LINGO2: variants seen among roughly 807,000 people sequenced by gnomAD.
LINGO2 encodes the protein leucine-rich repeat and immunoglobulin-like domain-containing nogo receptor-interacting protein 2.
Under a neutral mutation model 30.6 loss-of-function variants are expected in LINGO2, and 14 were observed. The observed-to-expected ratio is 0.46, with a 90% CI of 0.30 to 0.72. LINGO2 has a LOEUF of 0.72. Among genes scored for constraint, LINGO2 ranks in the 30% least tolerant of loss-of-function variants. LINGO2 has a pLI of 0.07. For missense variants in LINGO2, 729 were observed against 751.7 expected (o/e 0.97, Z 0.35); for synonymous variants, 317 against 288.5 (o/e 1.10, Z -1.00).
the LINGO2 span, among the ~76,000 whole-genome samples, chr9:28,698,263 T>A: frequency 6.6e-6 from 1 of 152,216 alleles, no homozygotes; most frequent in Middle Eastern, 3.4e-3. Flanking sequence ...CCAGTATAGA[T>A]ACATTTATAA....
the LINGO2 span, among the ~76,000 whole-genome samples, chr9:28,679,530 C>T: frequency 6.6e-6 from 1 of 151,930 alleles, no homozygotes; most frequent in Non-Finnish European, 1.5e-5. Context: ...AGAAATAGCA[C>T]TTTTTTGAGG....
chr9:28,921,159 A>T, the LINGO2 span, among the ~76,000 whole-genome samples: 1 of 152,216 alleles, frequency 6.6e-6, no homozygotes, highest in Non-Finnish European at 1.5e-5. Flanking sequence ...GAGAAAAAAG[A>T]TGTTAAACAA....
chr9:28,231,392 T>A (rs144772658), intron 4 of LINGO2, among the ~76,000 whole-genome samples: 1 of 152,066 alleles, frequency 6.6e-6, no homozygotes, highest in Admixed American at 6.5e-5. Flanking sequence ...TTTGGAGCAG[T>A]GTGGGAAAAT....
At chr9:28,395,757 G>C (rs1211952227) in intron 2 of LINGO2, among the ~76,000 whole-genome samples, 1 of 152,202 alleles carries the variant, frequency 6.6e-6, no homozygotes. Context: ...ATTCTGATAA[G>C]TTTTTATAAT....
At chr9:28,062,126 A>C (rs1222915594) in intron 4 of LINGO2, among the ~76,000 whole-genome samples, 1 of 152,084 alleles carries the variant, frequency 6.6e-6, no homozygotes, top group African/African-American at 2.4e-5. Flanking sequence ...CAGAAAAAAG[A>C]ATCCAAGACT....
chr9:28,135,994 A>G (rs1306411991), intron 4 of LINGO2, among the ~76,000 whole-genome samples: 1 of 152,162 alleles, frequency 6.6e-6, no homozygotes, highest in Admixed American at 6.5e-5. Context: ...CACAGTCAGC[A>G]GTGATAAAGT....
At chr9:28,854,583 G>C in the LINGO2 span, among the ~76,000 whole-genome samples, 1 of 151,804 alleles carries the variant, frequency 6.6e-6, no homozygotes, top group Non-Finnish European at 1.5e-5. Flanking sequence ...GTATCCCTTA[G>C]CCACAATATT....
At chr9:28,513,659 T>C (rs1233035337) in intron 1 of LINGO2, among the ~76,000 whole-genome samples, 2 of 152,236 alleles carry the variant, frequency 1.3e-5, no homozygotes, top group African/African-American at 4.8e-5. Flanking sequence ...CAACATTGTT[T>C]TGTAAAAAAT....
At chr9:28,826,859 G>T in the LINGO2 span, among the ~76,000 whole-genome samples, 2 of 152,126 alleles carry the variant, frequency 1.3e-5, no homozygotes, top group Non-Finnish European at 2.9e-5. Flanking sequence ...ACAATCATGG[G>T]AGTCAACAAG....
intron 2 of LINGO2, among the ~76,000 whole-genome samples, chr9:28,404,964 A>G (rs1330782587): frequency 6.6e-6 from 1 of 151,604 alleles, no homozygotes; most frequent in East Asian, 1.9e-4. Context: ...AGCTTGCCAT[A>G]TAAACCTTTG....
Position 28,340,592 on chromosome 9 carries a change from C to T in LINGO2, c.-246+32244G>A, listed in dbSNP as rs1389043703. On this transcript the variant is annotated intron_variant, in intron 3 of 5. Transcript: ENST00000379992. ...AAAAAGAAATTTACCATATTCTTTA[C>T]AAATTTTCTGAACAAGAGTGAGTAA... 2.0e-5 allele frequency among the ~76,000 whole-genome samples: 3 copies of T among 151,986 alleles called. 1 individual carries two copies. The highest frequency in any genetic ancestry group is 7.2e-5 in the African/African-American group (3 of 41,416).
At chr9:28,143,516 A>G (rs947442721) in intron 4 of LINGO2, among the ~76,000 whole-genome samples, 2 of 152,154 alleles carry the variant, frequency 1.3e-5, no homozygotes, top group African/African-American at 4.8e-5. Flanking sequence ...AATTGAAAGG[A>G]GCAGGAAAAT....
At chr9:28,611,227 T>C (rs1418105830) in intron 1 of LINGO2, among the ~76,000 whole-genome samples, 1 of 152,190 alleles carries the variant, frequency 6.6e-6, no homozygotes, top group Non-Finnish European at 1.5e-5. Context: ...TGACAAATTG[T>C]ATACAATTAA....
intron 1 of LINGO2, among the ~76,000 whole-genome samples, chr9:28,605,116 G>C (rs761914471): frequency 2.5e-4 from 38 of 152,056 alleles, no homozygotes; most frequent in Middle Eastern, 3.4e-3. Flanking sequence ...AATGTGTCTA[G>C]TTTAAATTTA....
At chr9:28,026,269 G>T (rs573450427) in intron 4 of LINGO2, among the ~76,000 whole-genome samples, 1 of 152,226 alleles carries the variant, frequency 6.6e-6, no homozygotes, top group African/African-American at 2.4e-5. Flanking sequence ...CTACTAGACT[G>T]TAAACTCCTT....
intron 1 of LINGO2, among the ~76,000 whole-genome samples, chr9:28,580,077 T>G (rs1411388127): frequency 6.6e-6 from 1 of 152,094 alleles, no homozygotes; most frequent in Admixed American, 6.6e-5. Context: ...AAAGAAGCAG[T>G]GCAGAATGTG....
intron 5 of LINGO2, among the ~76,000 whole-genome samples, chr9:28,009,772 A>C (rs1822463108): frequency 6.6e-6 from 1 of 152,156 alleles, no homozygotes; most frequent in South Asian, 2.1e-4. Context: ...TGGAAATGTA[A>C]AATGGTGCAG....
At chr9:29,086,192 T>C in the LINGO2 span, among the ~76,000 whole-genome samples, 1 of 152,144 alleles carries the variant, frequency 6.6e-6, no homozygotes, top group Non-Finnish European at 1.5e-5. Context: ...TTAGAGAACA[T>C]AGCTGTTGAT....
chr9:28,081,965 A>G (rs1219139375), intron 4 of LINGO2, among the ~76,000 whole-genome samples: 2 of 152,208 alleles, frequency 1.3e-5, no homozygotes, highest in East Asian at 3.8e-4. Context: ...TCAGGCAAAT[A>G]GCTTTTGACA....
Sources: allele counts gnomAD v4.1 joint callset (sites outside exome capture counted in the v4.1 genomes callset), GRCh38; gene constraint gnomAD v4.1.1; transcripts MANE v1.5; gene names NCBI Gene and HGNC (gene_info 2026-07-23, HGNC 2026-07-21).